The following KCNC1 variants were observed in gnomAD, a reference collection of about 807,000 sequenced individuals.
KCNC1 encodes voltage-gated potassium channel KCNC1.
In KCNC1, 8 loss-of-function variants were observed where a neutral mutation model predicts 43.4. The observed-to-expected ratio is 0.18, with a 90% CI of 0.11 to 0.33. The LOEUF (loss-of-function observed/expected upper bound fraction) is 0.33, where lower values mean the gene tolerates loss of function less well. Ranked by LOEUF, KCNC1 falls within the 10% of genes least tolerant of loss-of-function variation. The pLI is 1.00. For synonymous variants in KCNC1, 361 were observed against 360.5 expected, an observed-to-expected ratio of 1.00 and a Z score of -0.01; for missense variants, 420 against 836.0, an observed-to-expected ratio of 0.50 and a Z score of 6.14.
intron 1 of KCNC1, among the ~76,000 whole-genome samples, chr11:17,756,768 T>A (rs1055346934): frequency 6.6e-6 from 1 of 152,112 alleles, no homozygotes; most frequent in Non-Finnish European, 1.5e-5. Flanking sequence ...GTTGTACATA[T>A]AAGATCCAAA....
rs894821188 is a variant in KCNC1, at chr11:17,781,356, C to A, written c.1694-314C>A. On this transcript the variant is annotated intron_variant, in intron 3 of 3. Transcript: ENST00000265969. The surrounding 1 kb of genome is among the most constrained non-coding windows in gnomAD (Gnocchi z 5.1). Reference sequence around the variant, plus strand: ...TGTCCCCACCTACATCCATTCGGCCCGCGCTCTCATGGAGCCACGACAGCC... The same window carrying A: ...TGTCCCCACCTACATCCATTCGGCCAGCGCTCTCATGGAGCCACGACAGCC... 6.1e-6 allele frequency: 2 copies of A among 328,370 alleles called. No homozygotes were observed. Among genetic ancestry groups the A allele is most frequent in the African/African-American group, 4.3e-5 (2 of 46,948 alleles). The allele number at this position is 328,370 out of a possible 1,614,324, so 20.3% of individuals were successfully genotyped here. A position where few individuals can be genotyped will look rare whatever the true frequency, so the allele number is the denominator to read the frequency against.
In KCNC1 at chr11:17,742,022, C is replaced by T. The variant is rs1848848564; in HGVS notation, c.570+5450C>T. On this transcript the variant is annotated intron_variant, in intron 1 of 3. Transcript: ENST00000265969. The surrounding 1 kb of genome is among the most constrained non-coding windows in gnomAD (Gnocchi z 4.2). The stretch of plus-strand genomic sequence containing the variant: ...TTAGCAGCCTTGTTTGATTTGGGCT[C>T]ATCTCTCCTCTAGACTGTAAGCCTC... Among the ~76,000 whole-genome samples the T allele has an allele frequency of 6.6e-6, 1 of 152,192 alleles. No individual in the cohort carries two copies. Among genetic ancestry groups the T allele is most frequent in the East Asian group, 1.9e-4 (1 of 5,194 alleles).
intron 1 of KCNC1, among the ~76,000 whole-genome samples, chr11:17,769,677 G>A (rs1849199920): frequency 5.3e-5 from 8 of 151,624 alleles, no homozygotes; most frequent in Admixed American, 4.6e-4. Context: ...CCCCATCTCT[G>A]CAAAATAAAA....
At position 17,776,151 on chromosome 11, in the gene KCNC1, A is replaced by T. The variant is rs1849284849; in HGVS notation, c.1505-3305A>T. ...GAGAAATGAAGTGACGCCAGGGGCC[A>T]GGCATGGGTGTTCTTTTCCGTGTTG... is the stretch of plus-strand genomic sequence containing the variant. On this transcript the variant is annotated intron_variant, in intron 2 of 3. Coordinates refer to ENST00000265969, the MANE Select transcript of KCNC1 (RefSeq NM_001112741.2). The surrounding 1 kb of genome is among the most constrained non-coding windows in gnomAD (Gnocchi z 4.4). 1 of 985,348 alleles carries T rather than the reference A, an allele frequency of 1.0e-6. No individual in the cohort carries two copies. The highest frequency in any genetic ancestry group is 1.7e-5 in the African/African-American group (1 of 57,220). 61.0% of individuals were successfully genotyped at this position (985,348 alleles called of 1,614,324 possible).
Position 17,742,369 on chromosome 11 carries a change from A to G in KCNC1, c.570+5797A>G, listed in dbSNP as rs1388421102. ...TCAGTGGGGGCTCATTCCAGGGTCCACTGCCTGGGCTGAGGATCTCAAGGC... is the reference window on the plus strand; with the variant it reads ...TCAGTGGGGGCTCATTCCAGGGTCCGCTGCCTGGGCTGAGGATCTCAAGGC... On this transcript the variant is annotated intron_variant, in intron 1 of 3. Coordinates refer to ENST00000265969, the MANE Select transcript of KCNC1 (RefSeq NM_001112741.2). The surrounding 1 kb of genome is among the most constrained non-coding windows in gnomAD (Gnocchi z 4.2). Among the ~76,000 whole-genome samples the G allele has an allele frequency of 6.6e-6, 1 of 152,146 alleles. No homozygotes were observed. Among genetic ancestry groups the G allele is most frequent in the Non-Finnish European group, 1.5e-5 (1 of 68,020 alleles).
chr11:17,770,598 G>T (rs929893999), intron 1 of KCNC1, among the ~76,000 whole-genome samples: 15 of 152,166 alleles, frequency 9.9e-5, no homozygotes, highest in Non-Finnish European at 1.6e-4. Flanking sequence ...CCTGCTGCAG[G>T]CTAGAGAAGC....
intron 1 of KCNC1, among the ~76,000 whole-genome samples, chr11:17,763,428 C>T (rs1479070312): frequency 6.6e-6 from 1 of 151,952 alleles, no homozygotes; most frequent in Admixed American, 6.5e-5. Flanking sequence ...GAGTGCCCAG[C>T]CAGACCCTGG....
Position 17,739,904 on chromosome 11 carries a change from G to T in KCNC1, c.570+3332G>T, listed in dbSNP as rs1848819476. On this transcript the variant is annotated intron_variant, in intron 1 of 3. Coordinates refer to ENST00000265969, the MANE Select transcript of KCNC1 (RefSeq NM_001112741.2). This position sits in a 1 kb window ranked among gnomAD's most constrained non-coding sequence, Gnocchi z 4.2. ...GAGGTCCTGTGCATCCCGAGTGTGTGTGTGCTTGAGGAAGATGAGATTCCA... is the reference window on the plus strand; with the variant it reads ...GAGGTCCTGTGCATCCCGAGTGTGTTTGTGCTTGAGGAAGATGAGATTCCA... 6.6e-6 allele frequency among the ~76,000 whole-genome samples: 1 copy of T among 152,170 alleles called. No homozygotes were observed. Among genetic ancestry groups the T allele is most frequent in the Non-Finnish European group, 1.5e-5 (1 of 68,032 alleles).
rs1215110883 is a variant in KCNC1 at position 17,776,255 on chromosome 11, CG to C, written c.1505-3199del. 5.7e-5 allele frequency: 56 copies of C among 985,392 alleles called. No homozygotes were observed. The highest frequency in any genetic ancestry group is 6.4e-5 in the Non-Finnish European group (53 of 829,982). 61.0% of individuals were successfully genotyped at this position (985,392 alleles called of 1,614,324 possible). ...CCTCGTTTTGTTGCATGACTTGTGC[CG>C]GTTCTCGTGATTGTTCCCTGCTCGT... On this transcript the variant is annotated intron_variant, in intron 2 of 3. Transcript: ENST00000265969. The surrounding 1 kb of genome is among the most constrained non-coding windows in gnomAD (Gnocchi z 4.4).
At chr11:17,752,352 C>G (rs1276154599) in intron 1 of KCNC1, among the ~76,000 whole-genome samples, 1 of 152,232 alleles carries the variant, frequency 6.6e-6, no homozygotes, top group Non-Finnish European at 1.5e-5. Flanking sequence ...CCTGGGAAAC[C>G]AGGTCCCGAT....
In KCNC1 at chr11:17,779,161, G is replaced by A. The variant is rs988714186; in HGVS notation, c.1505-295G>A. ...TCGGCCCTGCTTGGGGCCCGGGGCC[G>A]GCCCCCAGCACCACACCTGCTGGAT... On this transcript the variant is annotated intron_variant, in intron 2 of 3. Transcript: ENST00000265969. This position sits in a 1 kb window ranked among gnomAD's most constrained non-coding sequence, Gnocchi z 7.2. The A allele has an allele frequency of 3.4e-5, 10 of 290,318 alleles. No individual in the cohort carries two copies. Among genetic ancestry groups the A allele is most frequent in the African/African-American group, 1.3e-4 (6 of 46,216 alleles). The allele number at this position is 290,318 out of a possible 1,614,324, so 18.0% of individuals were successfully genotyped here.
chr11:17,746,802 T>A (rs766556694), intron 1 of KCNC1, among the ~76,000 whole-genome samples: 2 of 152,130 alleles, frequency 1.3e-5, no homozygotes, highest in Non-Finnish European at 1.5e-5. Flanking sequence ...GCATAGCCCC[T>A]TGAACCATCA....
At chr11:17,744,903 G>A (rs752050422) in intron 1 of KCNC1, among the ~76,000 whole-genome samples, 3 of 152,106 alleles carry the variant, frequency 2.0e-5, no homozygotes, top group Non-Finnish European at 2.9e-5. Flanking sequence ...GGGGGAGAAT[G>A]TTCCCTTCAC....
intron 1 of KCNC1, among the ~76,000 whole-genome samples, chr11:17,738,805 C>T (rs908607527): frequency 2.0e-5 from 3 of 152,166 alleles, no homozygotes; most frequent in East Asian, 1.9e-4. Flanking sequence ...GCCCGGTGGT[C>T]GGGGTGAGGC....
chr11:17,739,737 G>A lies in KCNC1; in HGVS notation c.570+3165G>A, dbSNP rs973470003. Among the ~76,000 whole-genome samples the A allele has an allele frequency of 1.3e-5, 2 of 151,944 alleles. No individual in the cohort carries two copies. The highest frequency in any genetic ancestry group is 2.4e-5 in the African/African-American group (1 of 41,370). On this transcript the variant is annotated intron_variant, in intron 1 of 3. Coordinates refer to ENST00000265969, the MANE Select transcript of KCNC1 (RefSeq NM_001112741.2). This position sits in a 1 kb window ranked among gnomAD's most constrained non-coding sequence, Gnocchi z 4.2. Reference sequence around the variant, plus strand: ...TACACATAAGGCAGGAGGCTGTGTGGGGTGGGGGTCCCTGTGTGTGACAGA... The same window carrying A: ...TACACATAAGGCAGGAGGCTGTGTGAGGTGGGGGTCCCTGTGTGTGACAGA...
Position 17,776,545 on chromosome 11 carries a change from C to G in KCNC1, c.1505-2911C>G. On this transcript the variant is annotated intron_variant, in intron 2 of 3. Transcript: ENST00000265969. The surrounding 1 kb of genome is among the most constrained non-coding windows in gnomAD (Gnocchi z 4.4). ...AAAGTTTAAAAAAAAATGACCCTCT[C>G]GCAGATGCTCATCTCAGCCCATTTC... 1.0e-6 allele frequency: 1 copy of G among 985,476 alleles called. No homozygotes were observed. The highest frequency in any genetic ancestry group is 1.2e-6 in the Non-Finnish European group (1 of 829,966). The allele number at this position is 985,476 out of a possible 1,614,324, so 61.0% of individuals were successfully genotyped here.
Position 17,777,464 on chromosome 11 carries a change from G to A in KCNC1, c.1505-1992G>A. The A allele has an allele frequency of 6.1e-6, 6 of 985,942 alleles. No individual in the cohort carries two copies. Among genetic ancestry groups the A allele is most frequent in the Non-Finnish European group, 4.8e-6 (4 of 829,986 alleles). The allele number at this position is 985,942 out of a possible 1,614,324, so 61.1% of individuals were successfully genotyped here. A position where few individuals can be genotyped will look rare whatever the true frequency, so the allele number is the denominator to read the frequency against. The stretch of plus-strand genomic sequence containing the variant: ...TCGTCATCCGCGTCCTCTCCATACT[G>A]TTTCCCTCCCCTCTCCCAACACCCT... On this transcript the variant is annotated intron_variant, in intron 2 of 3. Transcript: ENST00000265969. The surrounding 1 kb of genome is among the most constrained non-coding windows in gnomAD (Gnocchi z 4.3).
rs1487238241 is a variant in KCNC1, at chr11:17,736,017, C to T, written c.15C>T (p.Asp5=). MGQG[D]ESERIVINVG... Reference sequence around the variant, plus strand: ...GGGGCGCCGCGATGGGCCAAGGGGACGAGAGCGAGCGCATCGTGATCAACG... The same window carrying T: ...GGGGCGCCGCGATGGGCCAAGGGGATGAGAGCGAGCGCATCGTGATCAACG... Residue 5 remains aspartate, a synonymous_variant, in exon 1 of 4, where the codon GAC becomes GAT. Coordinates refer to ENST00000265969, the MANE Select transcript of KCNC1 (RefSeq NM_001112741.2). The surrounding 1 kb of genome is among the most constrained non-coding windows in gnomAD (Gnocchi z 9.3). The T allele has an allele frequency of 3.3e-6, 5 of 1,508,478 alleles. No individual in the cohort carries two copies. Among genetic ancestry groups the T allele is most frequent in the Non-Finnish European group, 4.4e-6 (5 of 1,130,416 alleles). The allele number at this position is 1,508,478 out of a possible 1,614,324, so 93.4% of individuals were successfully genotyped here.
intron 1 of KCNC1, among the ~76,000 whole-genome samples, chr11:17,737,377 A>G (rs996132138): frequency 8.5e-5 from 13 of 152,050 alleles, no homozygotes; most frequent in African/African-American, 2.9e-4. Flanking sequence ...AAGGGTCCTT[A>G]AGGGGGAACC....
Sources: allele counts gnomAD v4.1 joint callset (sites outside exome capture counted in the v4.1 genomes callset), GRCh38; gene constraint gnomAD v4.1.1; non-coding constraint Gnocchi (gnomAD v3.1); transcripts MANE v1.5; gene names NCBI Gene and HGNC (gene_info 2026-07-23, HGNC 2026-07-21).